ELK3: variants seen among roughly 807,000 people sequenced by gnomAD.
The protein encoded by ELK3 is ETS transcription factor ELK3, also known as ETS domain-containing protein Elk-3.
A neutral mutation model predicts 28.9 loss-of-function variants in ELK3; 10 were observed. That is an observed-to-expected ratio of 0.35 (90% CI 0.21 to 0.59). The LOEUF (loss-of-function observed/expected upper bound fraction) is 0.59. Among genes scored for constraint, ELK3 ranks in the 20% least tolerant of loss-of-function variants. The pLI is 0.82. For synonymous variants in ELK3, 272 were observed against 243.5 expected (o/e 1.12, Z -1.09); for missense variants, 463 against 517.3 (o/e 0.90, Z 1.02).
At chr12:96,220,558 T>C (rs975764719) in intron 1 of ELK3, among the ~76,000 whole-genome samples, 1 of 151,966 alleles carries the variant, frequency 6.6e-6, no homozygotes, top group Non-Finnish European at 1.5e-5. Context: ...CAGCTGGTTT[T>C]TTGTATTTTT....
chr12:96,198,965 A>G (rs1019645121), intron 1 of ELK3, among the ~76,000 whole-genome samples: 3 of 152,204 alleles, frequency 2.0e-5, no homozygotes, highest in African/African-American at 4.8e-5. Context: ...CCATGGATTG[A>G]CATAATTTCT....
intron 4 of ELK3, among the ~76,000 whole-genome samples, chr12:96,264,792 A>T (rs2137046444): frequency 6.6e-6 from 1 of 152,312 alleles, no homozygotes; most frequent in South Asian, 2.1e-4. Flanking sequence ...GAAAAAATAA[A>T]GATAAAACAT....
intron 1 of ELK3, among the ~76,000 whole-genome samples, chr12:96,198,879 T>C (rs1951490061): frequency 6.6e-6 from 1 of 152,250 alleles, no homozygotes; most frequent in Non-Finnish European, 1.5e-5. Flanking sequence ...ATGTAACACA[T>C]TTTAATAATT....
chr12:96,229,461 C>G (rs1439622599), intron 2 of ELK3, among the ~76,000 whole-genome samples: 1 of 151,900 alleles, frequency 6.6e-6, no homozygotes, highest in Non-Finnish European at 1.5e-5. Flanking sequence ...GCAGCAGCCT[C>G]ACTCGGATCG....
chr12:96,194,981 C>T (rs866739691), intron 1 of ELK3, among the ~76,000 whole-genome samples: 34 of 151,284 alleles, frequency 2.2e-4, no homozygotes, highest in African/African-American at 7.5e-4. Context: ...CCCGCGGCTC[C>T]CCTCCCTGGG....
At chr12:96,249,929 G>T (rs1371069745) in intron 3 of ELK3, among the ~76,000 whole-genome samples, 1 of 152,186 alleles carries the variant, frequency 6.6e-6, no homozygotes, top group East Asian at 1.9e-4. Flanking sequence ...TTTACAAGAG[G>T]ACCTGTGCCT....
intron 2 of ELK3, 49 bp from the exon 3 acceptor site, chr12:96,246,891 G>T: frequency 6.6e-7 from 1 of 1,526,154 alleles, no homozygotes. Context: ...GCTCTTACAT[G>T]GTTTCTCGGG....
intron 3 of ELK3, among the ~76,000 whole-genome samples, chr12:96,253,236 G>A (rs76321588): frequency 0.044 from 6,627 of 152,256 alleles, 189 homozygotes; most frequent in East Asian, 0.12. Context: ...CTCCAGCCTG[G>A]ACAACAAGAG....
At chr12:96,205,174 A>G (rs983841999) in intron 1 of ELK3, among the ~76,000 whole-genome samples, 3 of 152,246 alleles carry the variant, frequency 2.0e-5, no homozygotes, top group Non-Finnish European at 2.9e-5. Flanking sequence ...TTGTTTCACA[A>G]CGAGAAGTCA....
chr12:96,233,634 G>A (rs1336131552), intron 2 of ELK3, among the ~76,000 whole-genome samples: 1 of 152,200 alleles, frequency 6.6e-6, no homozygotes, highest in Admixed American at 6.5e-5. Context: ...ACATATCTGA[G>A]ATCAACTGCC....
intron 3 of ELK3, among the ~76,000 whole-genome samples, chr12:96,251,321 A>T (rs1046676174): frequency 6.6e-6 from 1 of 152,044 alleles, no homozygotes; most frequent in Non-Finnish European, 1.5e-5. Context: ...AAACTTGATC[A>T]GTGTTGTGTG....
intron 1 of ELK3, among the ~76,000 whole-genome samples, chr12:96,208,122 G>A (rs1327599065): frequency 6.6e-6 from 1 of 152,102 alleles, no homozygotes; most frequent in Non-Finnish European, 1.5e-5. Flanking sequence ...CATGATCTTG[G>A]CTCACTGTAA....
At chr12:96,208,378 A>C (rs971277031) in intron 1 of ELK3, among the ~76,000 whole-genome samples, 1 of 152,164 alleles carries the variant, frequency 6.6e-6, no homozygotes, top group African/African-American at 2.4e-5. Context: ...TAGTGACTTA[A>C]CCATCCAGAA....
rs764589420 is a variant in ELK3, at chr12:96,206,466, G to A, written c.-3+11761G>A. Among the ~76,000 whole-genome samples the A allele has an allele frequency of 9.2e-5, 14 of 152,022 alleles. No individual in the cohort carries two copies. The South Asian group carries it at 1.0e-3, about 11-fold the overall frequency. On this transcript the variant is annotated intron_variant, in intron 1 of 4. Transcript: ENST00000228741. ...CAAGCAGCTGGAACTATAGGTGTGC[G>A]CCACCATGCCCAGCTAATTTTTGTA... is the stretch of plus-strand genomic sequence containing the variant.
chr12:96,243,130 T>A (rs1951832608), intron 2 of ELK3, among the ~76,000 whole-genome samples: 1 of 152,170 alleles, frequency 6.6e-6, no homozygotes, highest in South Asian at 2.1e-4. Flanking sequence ...TACTTAAGAT[T>A]CTTATATGTT....
intron 3 of ELK3, among the ~76,000 whole-genome samples, chr12:96,248,819 A>G (rs759608177): frequency 1.2e-4 from 19 of 152,228 alleles, no homozygotes; most frequent in South Asian, 8.3e-4. Context: ...ATCCACACTT[A>G]CAGCAGCCCT....
intron 3 of ELK3, among the ~76,000 whole-genome samples, chr12:96,250,524 C>A (rs559367302): frequency 6.6e-6 from 1 of 152,332 alleles, no homozygotes; most frequent in African/African-American, 2.4e-5. Flanking sequence ...CCCACCAGCA[C>A]CAGCTCAGTA....
chr12:96,208,638 A>G lies in ELK3; in HGVS notation c.-3+13933A>G, dbSNP rs1951554722. 2.6e-5 allele frequency among the ~76,000 whole-genome samples: 4 copies of G among 152,228 alleles called. No homozygotes were observed. In the South Asian group the frequency reaches 6.2e-4, roughly 24 times the overall value. ...AGGAGAGACGAGTTTTGGTGGAGGCAGTAAATGAAGTGCAACCAGATTTAA... is the reference window on the plus strand; with the variant it reads ...AGGAGAGACGAGTTTTGGTGGAGGCGGTAAATGAAGTGCAACCAGATTTAA... On this transcript the variant is annotated intron_variant, in intron 1 of 4. Coordinates refer to ENST00000228741, the MANE Select transcript of ELK3 (RefSeq NM_005230.4).
intron 1 of ELK3, among the ~76,000 whole-genome samples, chr12:96,205,411 T>G (rs1322531917): frequency 6.6e-6 from 1 of 152,166 alleles, no homozygotes; most frequent in Non-Finnish European, 1.5e-5. Flanking sequence ...CTGCTAACAT[T>G]CCTGTAGATT....
Sources: allele counts gnomAD v4.1 joint callset (sites outside exome capture counted in the v4.1 genomes callset), GRCh38; gene constraint gnomAD v4.1.1; transcripts MANE v1.5; gene names NCBI Gene and HGNC (gene_info 2026-07-23, HGNC 2026-07-21).